CCDC146: variants seen among roughly 807,000 people sequenced by gnomAD.
The protein encoded by CCDC146 is coiled-coil domain containing 146, also known as coiled-coil domain-containing protein 146.
CCDC146 carries 92 observed loss-of-function variants against 119.3 expected under a neutral mutation model. That is an observed-to-expected ratio of 0.77 (90% CI 0.65 to 0.92). The LOEUF (loss-of-function observed/expected upper bound fraction) is 0.92. Among genes scored for constraint, CCDC146 ranks in the 40% least tolerant of loss-of-function variants. The pLI is 0.00. For missense variants in CCDC146, 1,000 were observed against 1,103.0 expected (o/e 0.91, Z 1.32); for synonymous variants, 372 against 371.8 (o/e 1.00, Z -0.01).
At chr7:77,283,110 A>T (rs1330781869) in intron 15 of CCDC146, among the ~76,000 whole-genome samples, 1 of 152,124 alleles carries the variant, frequency 6.6e-6, no homozygotes, top group Non-Finnish European at 1.5e-5. Flanking sequence ...CAGCATAATT[A>T]TGTCGTTGCT....
intron 1 of CCDC146, among the ~76,000 whole-genome samples, chr7:77,134,133 C>T (rs1790827258): frequency 6.6e-6 from 1 of 150,714 alleles, no homozygotes; most frequent in Admixed American, 6.6e-5. Flanking sequence ...CAGAACTCTA[C>T]AAGAGGGAGG....
chr7:77,294,385 G>A (rs1045173879), intron 18 of CCDC146, among the ~76,000 whole-genome samples: 7 of 151,404 alleles, frequency 4.6e-5, no homozygotes, highest in East Asian at 1.9e-4. Flanking sequence ...TGTGTGTGTG[G>A]TGTGATTCCA....
intron 10 of CCDC146, 146 bp downstream of exon 10, chr7:77,273,935 A>T: frequency 4.1e-6 from 2 of 485,728 alleles, no homozygotes; most frequent in Non-Finnish European, 7.3e-6. Context: ...TCTTCATCTC[A>T]AAGTCCACTC....
chr7:77,135,256 C>CGTGGG (rs533384261), intron 1 of CCDC146, among the ~76,000 whole-genome samples: 24 of 152,168 alleles, frequency 1.6e-4, no homozygotes, highest in African/African-American at 5.8e-4. Context: ...GGGAGGCCAT[C>CGTGGG]GTGGGTGGAT....
At chr7:77,144,301 T>A (rs1158471630) in intron 1 of CCDC146, among the ~76,000 whole-genome samples, 1 of 151,824 alleles carries the variant, frequency 6.6e-6, no homozygotes, top group Non-Finnish European at 1.5e-5. Flanking sequence ...GCTTATCAGC[T>A]TAAGGAGATT....
chr7:77,237,413 C>T (rs1792758374), intron 3 of CCDC146, among the ~76,000 whole-genome samples: 1 of 152,166 alleles, frequency 6.6e-6, no homozygotes, highest in Non-Finnish European at 1.5e-5. Context: ...TTGGCACTTC[C>T]AGCTTGCGCT....
intron 1 of CCDC146, among the ~76,000 whole-genome samples, chr7:77,161,856 C>T (rs919576503): frequency 6.7e-5 from 10 of 148,262 alleles, no homozygotes; most frequent in Admixed American, 2.0e-4. Flanking sequence ...AGGTGTGAGG[C>T]GACATCTTAT....
intron 2 of CCDC146, among the ~76,000 whole-genome samples, chr7:77,215,343 CTAG>C (rs1163433161): frequency 6.6e-6 from 1 of 151,944 alleles, no homozygotes; most frequent in African/African-American, 2.4e-5. Flanking sequence ...TGACATGATT[CTAG>C]TAGTCTTGGG....
intron 1 of CCDC146, among the ~76,000 whole-genome samples, chr7:77,144,593 C>G (rs1274306447): frequency 6.6e-6 from 1 of 151,760 alleles, no homozygotes; most frequent in Non-Finnish European, 1.5e-5. Context: ...TACATCCCAT[C>G]AATACCTAAT....
intron 15 of CCDC146, among the ~76,000 whole-genome samples, chr7:77,283,876 G>C (rs1793804803): frequency 1.3e-5 from 2 of 152,138 alleles, no homozygotes; most frequent in African/African-American, 2.4e-5. Flanking sequence ...ATATGCCAAT[G>C]TTCTGATTCC....
chr7:77,139,546 T>G (rs541618695), intron 1 of CCDC146, among the ~76,000 whole-genome samples: 17 of 152,224 alleles, frequency 1.1e-4, no homozygotes, highest in Non-Finnish European at 2.2e-4. Context: ...CAATGTAGTT[T>G]CATCAGTTGT....
chr7:77,234,729 C>T (rs1792701251), intron 2 of CCDC146, among the ~76,000 whole-genome samples: 1 of 151,982 alleles, frequency 6.6e-6, no homozygotes, highest in African/African-American at 2.4e-5. Flanking sequence ...AGCGACAATC[C>T]ATCTCTGGGG....
At chr7:77,192,134 C>G (rs966287645) in intron 2 of CCDC146, among the ~76,000 whole-genome samples, 1 of 151,846 alleles carries the variant, frequency 6.6e-6, no homozygotes, top group Non-Finnish European at 1.5e-5. Flanking sequence ...ACCATGTTGG[C>G]CAGGCTGGTC....
intron 4 of CCDC146, among the ~76,000 whole-genome samples, chr7:77,250,584 A>G (rs1187044903): frequency 1.3e-5 from 2 of 152,102 alleles, no homozygotes; most frequent in Non-Finnish European, 2.9e-5. Flanking sequence ...TTTTCCTGTA[A>G]CTTCTCTCAG....
At chr7:77,171,941 C>A (rs1584040407) in intron 2 of CCDC146, among the ~76,000 whole-genome samples, 1 of 152,220 alleles carries the variant, frequency 6.6e-6, no homozygotes, top group East Asian at 1.9e-4. Context: ...TTTCAAGAAT[C>A]TCTCAATATA....
At chr7:77,235,741 A>T (rs1215578654) in intron 2 of CCDC146, among the ~76,000 whole-genome samples, 1 of 152,176 alleles carries the variant, frequency 6.6e-6, no homozygotes, top group Non-Finnish European at 1.5e-5. Context: ...GGCCAGTGGG[A>T]TCAGGGAAGG....
intron 13 of CCDC146, among the ~76,000 whole-genome samples, chr7:77,280,095 G>A (rs933389734): frequency 1.3e-5 from 2 of 152,074 alleles, no homozygotes; most frequent in Non-Finnish European, 2.9e-5. Context: ...GGACATTATT[G>A]GATATAACCA....
intron 8 of CCDC146, among the ~76,000 whole-genome samples, chr7:77,260,823 G>T (rs997234890): frequency 6.6e-6 from 1 of 151,880 alleles, no homozygotes; most frequent in Non-Finnish European, 1.5e-5. Flanking sequence ...TAGAGACAGG[G>T]TATCACCATG....
intron 1 of CCDC146, among the ~76,000 whole-genome samples, chr7:77,132,553 C>CAAAAAAAAAA (rs58502705): frequency 3.7e-5 from 4 of 107,054 alleles, no homozygotes; most frequent in Non-Finnish European, 5.3e-5. Flanking sequence ...TCGATCTCTA[C>CAAAAAAAAAA]AAAAAAAAAA....
Sources: gnomAD v4.1 joint callset for allele counts (sites outside exome capture counted in the v4.1 genomes callset) on GRCh38, gnomAD v4.1.1 for gene constraint, MANE v1.5 for transcripts, NCBI Gene and HGNC (gene_info 2026-07-23, HGNC 2026-07-21) for gene names.